The following SH3BP5 variants were observed in gnomAD, a reference collection of about 807,000 sequenced individuals.
SH3BP5 encodes SH3 domain-binding protein 5.
Under a neutral mutation model 43.3 loss-of-function variants are expected in SH3BP5, and 22 were observed. The observed-to-expected ratio is 0.51, with a 90% CI of 0.36 to 0.73. SH3BP5 has a LOEUF of 0.73. Among genes scored for constraint, SH3BP5 ranks in the 30% least tolerant of loss-of-function variants. SH3BP5 has a pLI of 0.00. For synonymous variants in SH3BP5, 255 were observed against 225.8 expected (o/e 1.13, Z -1.16); for missense variants, 529 against 586.9 (o/e 0.90, Z 1.02).
At chr3:15,337,084 G>GTTTTTTTTTTTTTTTTTTTTTTTTT (rs374056927), upstream of SH3BP5, among the ~76,000 whole-genome samples, 1 of 100,128 alleles carries the variant, frequency 1.0e-5, no homozygotes, top group Non-Finnish European at 1.9e-5. Context: ...TTTTAGTTTA[G>GTTTTTTTTTTTTTTTTTTTTTTTTT]TTTTTTTTTT....
At chr3:15,257,470 AG>A (rs1696255202) in intron 7 of SH3BP5, 1 of 208,310 alleles carries the variant, frequency 4.8e-6, no homozygotes. Context: ...GTGCACAGGA[AG>A]AGGTTCTAGT....
chr3:15,333,591 G>A (rs535867536), upstream of SH3BP5, among the ~76,000 whole-genome samples: 3 of 152,250 alleles, frequency 2.0e-5, no homozygotes, highest in East Asian at 5.8e-4. Context: ...GATCACTTGA[G>A]GCCAGGAGTT....
chr3:15,321,812 CAAAAAAA>C (rs35283423), intron 2 of SH3BP5, among the ~76,000 whole-genome samples: 1 of 132,224 alleles, frequency 7.6e-6, no homozygotes, highest in African/African-American at 3.0e-5. Flanking sequence ...ATCAAATTGC[CAAAAAAA>C]AAAAAAAAAT....
intron 2 of SH3BP5, among the ~76,000 whole-genome samples, chr3:15,308,817 A>G (rs1697978562): frequency 6.6e-6 from 1 of 152,122 alleles, no homozygotes; most frequent in African/African-American, 2.4e-5. Flanking sequence ...TCACATCTCA[A>G]AATCAAACCT....
intron 3 of SH3BP5, among the ~76,000 whole-genome samples, chr3:15,295,093 C>T (rs1005020281): frequency 6.6e-6 from 1 of 152,160 alleles, no homozygotes; most frequent in South Asian, 2.1e-4. Flanking sequence ...CGCCAACACA[C>T]ACACACACAG....
chr3:15,281,377 G>A (rs1452093708), intron 3 of SH3BP5, among the ~76,000 whole-genome samples: 6 of 152,102 alleles, frequency 3.9e-5, no homozygotes, highest in Non-Finnish European at 7.3e-5. Flanking sequence ...AGAGAACCAG[G>A]AAGAGCAGAG....
At chr3:15,340,843 G>C (rs1698757107) in intron 1 of SH3BP5, among the ~76,000 whole-genome samples, 1 of 151,194 alleles carries the variant, frequency 6.6e-6, no homozygotes, top group South Asian at 2.1e-4. Context: ...ACCTGAGGTT[G>C]GGAGTTCAAA....
chr3:15,319,152 G>A (rs1388046479), intron 2 of SH3BP5, among the ~76,000 whole-genome samples: 1 of 152,280 alleles, frequency 6.6e-6, no homozygotes, highest in African/African-American at 2.4e-5. Flanking sequence ...AATAGGTATT[G>A]AAGCCATGCC....
chr3:15,304,697 C>T (rs1246680927), intron 2 of SH3BP5, among the ~76,000 whole-genome samples: 1 of 151,962 alleles, frequency 6.6e-6, no homozygotes, highest in Non-Finnish European at 1.5e-5. Flanking sequence ...TACCTGCTGT[C>T]CCAGCCACTC....
At chr3:15,326,181 G>T (rs1698458984) in intron 2 of SH3BP5, among the ~76,000 whole-genome samples, 2 of 152,262 alleles carry the variant, frequency 1.3e-5, no homozygotes, top group South Asian at 4.1e-4. Context: ...ATGCAAAGGG[G>T]ACCCAGCACT....
chr3:15,338,599 TA>T (rs1698729065), intron 1 of SH3BP5, among the ~76,000 whole-genome samples: 1 of 152,134 alleles, frequency 6.6e-6, no homozygotes, highest in South Asian at 2.1e-4. Flanking sequence ...ATAGCCTTTA[TA>T]AATTTGAGCC....
In SH3BP5 at chr3:15,256,014, G is replaced by A. The variant is rs1696181033; in HGVS notation, c.*72C>T. 8.0e-7 allele frequency: 1 copy of A among 1,246,954 alleles called. No homozygotes were observed. Among genetic ancestry groups the A allele is most frequent in the East Asian group, 2.3e-5 (1 of 42,876 alleles). 77.2% of individuals were successfully genotyped at this position (1,246,954 alleles called of 1,614,324 possible). A position where few individuals can be genotyped will look rare whatever the true frequency, so the allele number is the denominator to read the frequency against. The stretch of plus-strand genomic sequence containing the variant: ...GTGTAAGATTTGGCATATATTAAAT[G>A]ATTATTGGCACAATGTTCTCCAGTT... On this transcript the variant is annotated 3_prime_UTR_variant, in exon 9 of 9. Coordinates refer to ENST00000383791, the MANE Select transcript of SH3BP5 (RefSeq NM_004844.5).
chr3:15,262,765 C>T (rs1004534378), intron 4 of SH3BP5, among the ~76,000 whole-genome samples: 2 of 152,138 alleles, frequency 1.3e-5, no homozygotes, highest in Non-Finnish European at 2.9e-5. Flanking sequence ...TGAGACCAGC[C>T]TGGCCAACAT....
chr3:15,313,272 G>A (rs1406006027), intron 2 of SH3BP5, among the ~76,000 whole-genome samples: 1 of 152,054 alleles, frequency 6.6e-6, no homozygotes, highest in Non-Finnish European at 1.5e-5. Context: ...AAATTCTGAA[G>A]TAAAAACATG....
chr3:15,304,482 C>T (rs1367663224), intron 2 of SH3BP5, among the ~76,000 whole-genome samples: 1 of 152,230 alleles, frequency 6.6e-6, no homozygotes, highest in African/African-American at 2.4e-5. Flanking sequence ...GCACTTAAAA[C>T]TGGCCGGTGT....
At chr3:15,276,410 C>G (rs1178581351) in intron 3 of SH3BP5, among the ~76,000 whole-genome samples, 1 of 152,202 alleles carries the variant, frequency 6.6e-6, no homozygotes, top group Non-Finnish European at 1.5e-5. Context: ...GCCCCTGACC[C>G]CTAGTCTGGA....
intron 3 of SH3BP5, among the ~76,000 whole-genome samples, chr3:15,277,601 T>A (rs1362232887): frequency 6.6e-6 from 1 of 151,902 alleles, no homozygotes; most frequent in Non-Finnish European, 1.5e-5. Flanking sequence ...CCACACAGTC[T>A]CACCTGCTCT....
At chr3:15,285,581 C>T (rs766037466) in intron 3 of SH3BP5, among the ~76,000 whole-genome samples, 6 of 152,230 alleles carry the variant, frequency 3.9e-5, no homozygotes, top group Non-Finnish European at 7.3e-5. Context: ...AACTGCCCAA[C>T]GCCATGAACA....
Position 15,323,231 on chromosome 3 carries a change from C to A in SH3BP5, c.201+7273G>T, listed in dbSNP as rs369527837. On this transcript the variant is annotated intron_variant, in intron 2 of 8. Coordinates refer to ENST00000383791, the MANE Select transcript of SH3BP5 (RefSeq NM_004844.5). ...AGGCAGGCCACAGCGCAACGCCCTG[C>A]TGATCCAGTGACTACAAAGTCCATC... Among the ~76,000 whole-genome samples, 122 of 152,360 alleles carry A rather than the reference C, an allele frequency of 8.0e-4. 5 individuals are homozygous for A. The South Asian group carries it at 0.022, about 27-fold the overall frequency.
Sources: allele counts gnomAD v4.1 joint callset (sites outside exome capture counted in the v4.1 genomes callset), GRCh38; gene constraint gnomAD v4.1.1; transcripts MANE v1.5; gene names NCBI Gene and HGNC (gene_info 2026-07-23, HGNC 2026-07-21).